Variants in SPAM1 observed in about 807,000 individuals in gnomAD.
The protein encoded by SPAM1 is sperm adhesion molecule 1.
In SPAM1, 22 loss-of-function variants were observed where a neutral mutation model predicts 29.6. That is an observed-to-expected ratio of 0.74 (90% CI 0.53 to 1.06). The LOEUF is 1.06. Among genes scored for constraint, SPAM1 ranks in the 50% least tolerant of loss-of-function variants. The pLI is 0.00. For synonymous variants in SPAM1, 194 were observed against 204.6 expected, an observed-to-expected ratio of 0.95 and a Z score of 0.44; for missense variants, 534 against 604.0, an observed-to-expected ratio of 0.88 and a Z score of 1.21.
chr7:123,947,817 T>C (rs992238188), intron 1 of SPAM1: 4 of 152,122 alleles, frequency 2.6e-5, no homozygotes, highest in African/African-American at 4.8e-5. Context: ...TTCTACTGCA[T>C]AGCTTAGTAG....
chr7:123,956,027 C>T (rs919162845), intron 4 of SPAM1, among the ~76,000 whole-genome samples: 3 of 151,800 alleles, frequency 2.0e-5, no homozygotes, highest in Admixed American at 6.6e-5. Flanking sequence ...ATTTTCTTTT[C>T]TTTTTAAAAA....
At chr7:123,952,196 A>G (rs558830091) in intron 2 of SPAM1, among the ~76,000 whole-genome samples, 2 of 152,252 alleles carry the variant, frequency 1.3e-5, no homozygotes, top group South Asian at 2.1e-4. Context: ...GCTACTTTAT[A>G]TGTTCTAAAC....
intron 1 of SPAM1, among the ~76,000 whole-genome samples, chr7:123,936,515 A>G (rs571578321): frequency 6.6e-6 from 1 of 152,328 alleles, no homozygotes; most frequent in South Asian, 2.1e-4. Flanking sequence ...CATGTAGAGC[A>G]GTTAGGGGGA....
At chr7:123,965,312 C>A (rs1489445037) in intron 5 of SPAM1, among the ~76,000 whole-genome samples, 1 of 151,968 alleles carries the variant, frequency 6.6e-6, no homozygotes, top group Non-Finnish European at 1.5e-5. Context: ...GGGTATCCAT[C>A]CATCATGAAG....
At chr7:123,942,848 A>G (rs1271895607) in intron 1 of SPAM1, among the ~76,000 whole-genome samples, 1 of 152,202 alleles carries the variant, frequency 6.6e-6, no homozygotes, top group South Asian at 2.1e-4. Flanking sequence ...TATCTGAAAG[A>G]ATTCCATTCC....
chr7:123,959,431 A>G, intron 4 of SPAM1, 53 bp from the exon 5 acceptor site: 1 of 1,319,618 alleles, frequency 7.6e-7, no homozygotes, highest in Non-Finnish European at 1.0e-6. Flanking sequence ...ATTAATTCGC[A>G]TTTGAACTAA....
At chr7:123,963,708 A>T (rs1792388461), downstream of SPAM1, among the ~76,000 whole-genome samples, 1 of 146,474 alleles carries the variant, frequency 6.8e-6, no homozygotes, top group Non-Finnish European at 1.5e-5. Context: ...CATGAGCCCA[A>T]TTCAAAAGTT....
In SPAM1 at chr7:123,957,172, A is replaced by G. The variant is rs76787874; in HGVS notation, c.1044+2086A>G. Among the ~76,000 whole-genome samples, 341 of 152,142 alleles carry G rather than the reference A, an allele frequency of 2.2e-3. 1 individual carries two copies. Among genetic ancestry groups the G allele is most frequent in the African/African-American group, 7.8e-3 (323 of 41,548 alleles). ...TGGAACTTATGAGTACTTAAAAAGTACACAAGTAAGAGACATATTTGATAT... is the reference window on the plus strand; with the variant it reads ...TGGAACTTATGAGTACTTAAAAAGTGCACAAGTAAGAGACATATTTGATAT... On this transcript the variant is annotated intron_variant, in intron 4 of 4. Transcript: ENST00000682466.
rs1792330640 is a variant in SPAM1, at chr7:123,959,824, G to T, written c.1385G>T (p.Gly462Val). ...GCTGTTGATGTGTGTATTGCTGATG[G>T]TGTCTGTATAGATGCTTTTCTAAAA... is the stretch of plus-strand genomic sequence containing the variant. ...TDAVDVCIAD[G>V]VCIDAFLKPP... Residue 462 changes from glycine (G) to valine (V), a missense_variant, in exon 5 of 5, where the codon GGT (glycine) becomes GTT (valine). Physicochemically the swap from Gly to Val is moderately radical, Grantham distance 109. Transcript: ENST00000682466. 6.2e-7 allele frequency: 1 copy of T among 1,613,126 alleles called. No individual in the cohort carries two copies. The highest frequency in any genetic ancestry group is 1.3e-5 in the African/African-American group (1 of 74,832).
rs777494909 is a variant in SPAM1, at chr7:123,954,062, C to G, written c.492C>G (p.Tyr164Ter). The G allele has an allele frequency of 1.2e-5, 19 of 1,613,292 alleles. No homozygotes were observed. Among genetic ancestry groups the G allele is most frequent in the Non-Finnish European group, 1.3e-5 (15 of 1,179,714 alleles). ...WARNWKPKDV[Y>*]KNRSIELVQQ... ...GAAACTGGAAACCTAAAGATGTTTACAAGAATAGGTCTATTGAATTGGTTC... is the reference window on the plus strand; with the variant it reads ...GAAACTGGAAACCTAAAGATGTTTAGAAGAATAGGTCTATTGAATTGGTTC... The change falls in exon 3 of 5, where the codon TAC (tyrosine) becomes TAG (stop). Residue 164 changes from tyrosine (Y) to a stop codon, truncating the protein, a stop_gained. Transcript: ENST00000682466. LOFTEE classifies it high-confidence loss of function.
intron 5 of SPAM1, among the ~76,000 whole-genome samples, chr7:123,965,151 A>T (rs922852529): frequency 6.6e-6 from 1 of 151,972 alleles, no homozygotes; most frequent in Non-Finnish European, 1.5e-5. Flanking sequence ...CTGAAAGAAG[A>T]TCGGAGTGGG....
At chr7:123,955,271 A>G (rs527558769) in intron 4 of SPAM1, among the ~76,000 whole-genome samples, 185 bp downstream of exon 4, 1 of 152,096 alleles carries the variant, frequency 6.6e-6, no homozygotes, top group African/African-American at 2.4e-5. Context: ...TAGTATACCC[A>G]TTTTCCAGTG....
At chr7:123,967,493 C>A (rs1261236690) in intron 5 of SPAM1, among the ~76,000 whole-genome samples, 2 of 151,760 alleles carry the variant, frequency 1.3e-5, no homozygotes, top group African/African-American at 2.4e-5. Flanking sequence ...ATTAGATATT[C>A]CCTGTGATTG....
downstream of SPAM1, among the ~76,000 whole-genome samples, chr7:123,964,136 T>A (rs967194494): frequency 4.6e-5 from 7 of 151,900 alleles, no homozygotes; most frequent in African/African-American, 1.7e-4. Context: ...TGCCATTTTT[T>A]AAAAATACTA....
intron 2 of SPAM1, among the ~76,000 whole-genome samples, chr7:123,950,211 C>G (rs1808715866): frequency 6.6e-6 from 1 of 151,922 alleles, no homozygotes; most frequent in Middle Eastern, 3.4e-3. Context: ...ATTAGGGTAC[C>G]TATGTATTTA....
chr7:123,925,714 T>G (rs1807857962), intron 1 of SPAM1: 1 of 131,216 alleles, frequency 7.6e-6, no homozygotes. Flanking sequence ...CCATCCTGGG[T>G]GACAGAGTGA....
At chr7:123,954,622 A>C in intron 3 of SPAM1, 98 bp downstream of exon 3, 1 of 804,912 alleles carries the variant, frequency 1.2e-6, no homozygotes, top group African/African-American at 1.7e-5. Context: ...TCTAGCTTTT[A>C]ATATTAGTCA....
intron 5 of SPAM1, among the ~76,000 whole-genome samples, chr7:123,968,887 G>T (rs1792462853): frequency 6.6e-6 from 1 of 151,936 alleles, no homozygotes; most frequent in Non-Finnish European, 1.5e-5. Flanking sequence ...AGCACCATAT[G>T]CTAACATTGT....
chr7:123,945,797 CCT>C (rs2117045826), intron 1 of SPAM1, among the ~76,000 whole-genome samples: 1 of 152,090 alleles, frequency 6.6e-6, no homozygotes, highest in South Asian at 2.1e-4. Context: ...AAACCAAGCC[CCT>C]GTTTTTTTTT....
Sources: gnomAD v4.1 joint callset for allele counts (sites outside exome capture counted in the v4.1 genomes callset) on GRCh38, gnomAD v4.1.1 for gene constraint, MANE v1.5 for transcripts, NCBI Gene and HGNC (gene_info 2026-07-23, HGNC 2026-07-21) for gene names.